The following HCN1 variants were observed in gnomAD, a reference collection of about 807,000 sequenced individuals.
HCN1 encodes the protein potassium/sodium hyperpolarization-activated cyclic nucleotide-gated channel 1.
HCN1 carries 13 observed loss-of-function variants against 78.9 expected under a neutral mutation model. The observed-to-expected ratio is 0.16, with a 90% CI of 0.11 to 0.26. HCN1 has a LOEUF of 0.26. HCN1 is among the 10% of genes least tolerant of loss of function. The pLI is 1.00. For synonymous variants in HCN1, 552 were observed against 455.5 expected (o/e 1.21, Z -2.70); for missense variants, 810 against 1,154.3 (o/e 0.70, Z 4.32).
At chr5:45,555,256 T>C (rs1296582360) in intron 2 of HCN1, among the ~76,000 whole-genome samples, 2 of 151,340 alleles carry the variant, frequency 1.3e-5, no homozygotes, top group East Asian at 1.9e-4. Context: ...CAGTGAACAA[T>C]ATGAAAAAGA....
chr5:45,468,333 T>C (rs1352743357), intron 2 of HCN1, among the ~76,000 whole-genome samples: 2 of 152,148 alleles, frequency 1.3e-5, no homozygotes, highest in African/African-American at 4.8e-5. Flanking sequence ...ATGTATTCTT[T>C]ATCAATCATG....
At chr5:45,348,667 A>T (rs1359313868) in intron 5 of HCN1, among the ~76,000 whole-genome samples, 2 of 152,178 alleles carry the variant, frequency 1.3e-5, no homozygotes, top group African/African-American at 4.8e-5. Context: ...AAATAAAAGG[A>T]TGGAGGAAGA....
intron 2 of HCN1, among the ~76,000 whole-genome samples, chr5:45,612,322 C>A (rs1744854716): frequency 6.6e-6 from 1 of 152,098 alleles, no homozygotes; most frequent in Non-Finnish European, 1.5e-5. Context: ...TATCTTTCAA[C>A]CTATAAAAAT....
intron 2 of HCN1, among the ~76,000 whole-genome samples, chr5:45,489,550 T>TA (rs1199219609): frequency 6.6e-6 from 1 of 152,122 alleles, no homozygotes; most frequent in Non-Finnish European, 1.5e-5. Flanking sequence ...TTCATGACAA[T>TA]AAAGTGCTCT....
intron 2 of HCN1, among the ~76,000 whole-genome samples, chr5:45,562,509 A>AAAACAAAC (rs760794885): frequency 5.1e-5 from 5 of 97,462 alleles, no homozygotes; most frequent in African/African-American, 2.1e-4. Context: ...CCATGTCTAC[A>AAAACAAAC]AAACAAACAA....
At chr5:45,639,362 AT>A (rs1302207658) in intron 2 of HCN1, among the ~76,000 whole-genome samples, 4 of 152,328 alleles carry the variant, frequency 2.6e-5, no homozygotes, top group Admixed American at 2.6e-4. Context: ...AGATGTCATC[AT>A]ATATTTATAA....
At chr5:45,610,266 G>A (rs1744807430) in intron 2 of HCN1, among the ~76,000 whole-genome samples, 2 of 151,772 alleles carry the variant, frequency 1.3e-5, no homozygotes, top group South Asian at 4.2e-4. Flanking sequence ...ATTCAACAAA[G>A]GACATTGAAG....
At chr5:45,405,410 A>G (rs1331946101) in intron 3 of HCN1, among the ~76,000 whole-genome samples, 1 of 151,994 alleles carries the variant, frequency 6.6e-6, no homozygotes, top group Non-Finnish European at 1.5e-5. Context: ...TTAATTAATC[A>G]ATTAATTAAT....
rs371809110 is a variant in HCN1, at chr5:45,266,821, G to T, written c.1783+268C>A. Among the ~76,000 whole-genome samples, 5 of 151,552 alleles carry T rather than the reference G, an allele frequency of 3.3e-5. No individual in the cohort carries two copies. In the East Asian group the frequency reaches 9.8e-4, roughly 30 times the overall value. On this transcript the variant is annotated intron_variant, in intron 7 of 7. Coordinates refer to ENST00000303230, the MANE Select transcript of HCN1 (RefSeq NM_021072.4). ...CCTCCCAGGCTCAAGAGATTCTCCT[G>T]CCTCAGCCTTCTGAGTGGCTGGGAT...
intron 6 of HCN1, among the ~76,000 whole-genome samples, chr5:45,282,766 A>G (rs1444405697): frequency 6.6e-6 from 1 of 152,168 alleles, no homozygotes; most frequent in Non-Finnish European, 1.5e-5. Context: ...AATTCTTTCA[A>G]TCAGCTCCAG....
At chr5:45,441,177 A>G (rs1740671052) in intron 3 of HCN1, among the ~76,000 whole-genome samples, 1 of 152,174 alleles carries the variant, frequency 6.6e-6, no homozygotes, top group Non-Finnish European at 1.5e-5. Context: ...ATTTTGTAAC[A>G]TAGTTTGTGC....
intron 4 of HCN1, among the ~76,000 whole-genome samples, chr5:45,383,319 CT>C (rs977564575): frequency 6.6e-6 from 1 of 152,202 alleles, no homozygotes; most frequent in Admixed American, 6.5e-5. Context: ...ATTAGTGTAA[CT>C]TTTTAAACTA....
intron 2 of HCN1, among the ~76,000 whole-genome samples, chr5:45,612,107 AAT>A (rs1204338841): frequency 6.6e-6 from 1 of 152,182 alleles, no homozygotes; most frequent in African/African-American, 2.4e-5. Context: ...CCCAGTAGTC[AAT>A]ATGTTATTTC....
intron 3 of HCN1, among the ~76,000 whole-genome samples, chr5:45,452,321 T>G (rs917459626): frequency 4.0e-5 from 6 of 150,226 alleles, no homozygotes; most frequent in South Asian, 2.1e-4. Context: ...GGTATTTAGT[T>G]TTTTTTTTTT....
chr5:45,665,069 C>T (rs1259538376), intron 1 of HCN1, among the ~76,000 whole-genome samples: 1 of 151,112 alleles, frequency 6.6e-6, no homozygotes, highest in East Asian at 2.0e-4. Context: ...CAATGATAGA[C>T]TGGATTAAGA....
rs887854969 is a variant in HCN1, at chr5:45,303,642, T to C, written c.1575A>G (p.Lys525=). ...IQHGVAGVIT[K]SSKEMKLTDG... ...CTGTCAGCTTCATTTCTTTACTGGA[T>C]TTTGTAATGACACCAGCAACACCGT... Residue 525 remains lysine, a synonymous_variant, in exon 6 of 8, where the codon AAA becomes AAG. Transcript: ENST00000303230. The C allele has an allele frequency of 3.1e-6, 5 of 1,613,506 alleles. No individual in the cohort carries two copies. In the South Asian group the frequency reaches 5.5e-5, roughly 18 times the overall value.
chr5:45,281,889 C>T (rs1234178058), intron 6 of HCN1, among the ~76,000 whole-genome samples: 2 of 151,980 alleles, frequency 1.3e-5, no homozygotes, highest in East Asian at 3.9e-4. Flanking sequence ...TGAGCCCTGC[C>T]AAGAGCTCTT....
chr5:45,539,392 G>C (rs1381843919), intron 2 of HCN1, among the ~76,000 whole-genome samples: 2 of 151,240 alleles, frequency 1.3e-5, no homozygotes, highest in East Asian at 3.8e-4. Flanking sequence ...GCCGGGTGTG[G>C]TGGCTCACGC....
chr5:45,446,984 G>T (rs1484756393), intron 3 of HCN1, among the ~76,000 whole-genome samples: 2 of 151,146 alleles, frequency 1.3e-5, no homozygotes, highest in African/African-American at 4.9e-5. Context: ...ATCAACTAAC[G>T]AGCAAAATAA....
Sources: gnomAD v4.1 joint callset for allele counts (sites outside exome capture counted in the v4.1 genomes callset) on GRCh38, gnomAD v4.1.1 for gene constraint, MANE v1.5 for transcripts, NCBI Gene and HGNC (gene_info 2026-07-23, HGNC 2026-07-21) for gene names.